Variants in RTTN observed in about 807,000 individuals in gnomAD.
RTTN encodes the protein rotatin.
In RTTN, 182 loss-of-function variants were observed where a neutral mutation model predicts 269.2. That is an observed-to-expected ratio of 0.68 (90% CI 0.60 to 0.76). The LOEUF (loss-of-function observed/expected upper bound fraction) is 0.76. Among genes scored for constraint, RTTN ranks in the 30% least tolerant of loss-of-function variants. The pLI is 0.00. For missense variants in RTTN, 2,545 were observed against 2,608.6 expected (o/e 0.98, Z 0.53); for synonymous variants, 1,006 against 963.5 (o/e 1.04, Z -0.82).
At chr18:70,173,127 T>C (rs1192766858) in intron 11 of RTTN, among the ~76,000 whole-genome samples, 1 of 152,188 alleles carries the variant, frequency 6.6e-6, no homozygotes, top group East Asian at 1.9e-4. Context: ...CAAAATACTA[T>C]ATTTAAAATG....
intron 28 of RTTN, among the ~76,000 whole-genome samples, chr18:70,107,095 A>T (rs1168920693): frequency 1.3e-5 from 2 of 152,228 alleles, no homozygotes; most frequent in African/African-American, 2.4e-5. Context: ...ATTGAAACAA[A>T]GGGGCCAGAT....
At chr18:70,129,483 T>G (rs1599691401) in intron 23 of RTTN, 1 of 149,670 alleles carries the variant, frequency 6.7e-6, no homozygotes, top group Admixed American at 6.6e-5. Flanking sequence ...ATACACACAT[T>G]TGGTCAATTT....
chr18:70,118,234 AAAG>A (rs1210432651), intron 26 of RTTN, among the ~76,000 whole-genome samples: 1 of 152,032 alleles, frequency 6.6e-6, no homozygotes, highest in Non-Finnish European at 1.5e-5. Flanking sequence ...ACTAATAAAA[AAAG>A]AAGACAAAAT....
In RTTN at chr18:70,127,541, A is replaced by C; in HGVS notation, c.3344T>G (p.Val1115Gly). ...GTGCCAAGCCAAGGACTTCAAGGTA[A>C]CCCCACATGGACCAGGGCAACCCTT... ...SLKGCPGPCG[V>G]TLKSLAWHTA... The change falls in exon 25 of 49, where the codon GTT becomes GGT. Residue 1115 changes from valine (V) to glycine (G), a missense_variant. Physicochemically the swap from Val to Gly is moderately radical, Grantham distance 109 (BLOSUM62 -3). Coordinates refer to ENST00000640769, the MANE Select transcript of RTTN (RefSeq NM_173630.4). 2 of 1,613,482 alleles carry C rather than the reference A, an allele frequency of 1.2e-6. No individual in the cohort carries two copies. Among genetic ancestry groups the C allele is most frequent in the South Asian group, 1.1e-5 (1 of 91,060 alleles).
At chr18:70,086,816 A>C in intron 31 of RTTN, 132 bp from the exon 32 acceptor site, 4 of 788,278 alleles carry the variant, frequency 5.1e-6, no homozygotes, top group Non-Finnish European at 2.0e-6. Context: ...GGTCAACTGC[A>C]CATGCTGAGA....
chr18:70,150,826 T>C, intron 14 of RTTN, 93 bp from the exon 15 acceptor site: 1 of 991,612 alleles, frequency 1.0e-6, no homozygotes, highest in African/African-American at 1.7e-5. Context: ...CATTTCTATT[T>C]TAGTTTTTAC....
rs1016169985 is a variant in RTTN, at chr18:70,117,113, C to T, written c.3529-2514G>A. Among the ~76,000 whole-genome samples the T allele has an allele frequency of 2.0e-5, 3 of 152,200 alleles. No homozygotes were observed. The East Asian group carries it at 5.8e-4, about 29-fold the overall frequency. On this transcript the variant is annotated intron_variant, in intron 26 of 48. Transcript: ENST00000640769. ...TCACAAGAGAAAGTTCCTAAATCTT[C>T]CCTCGGGAAGTTAGCTGATTTTTCT...
At chr18:70,054,822 A>G (rs137910950) in intron 37 of RTTN, among the ~76,000 whole-genome samples, 95 of 152,238 alleles carry the variant, frequency 6.2e-4, no homozygotes, top group African/African-American at 2.3e-3. Flanking sequence ...CTGTTTCAAA[A>G]GAAAAAAAAA....
At chr18:70,199,624 A>G in intron 4 of RTTN, 120 bp from the exon 5 acceptor site, 1 of 636,806 alleles carries the variant, frequency 1.6e-6, no homozygotes, top group Non-Finnish European at 2.7e-6. Flanking sequence ...TCTTACAGTA[A>G]CCTAAAATAT....
At chr18:70,191,093 C>T (rs2061660295) in intron 8 of RTTN, among the ~76,000 whole-genome samples, 1 of 151,892 alleles carries the variant, frequency 6.6e-6, no homozygotes, top group Admixed American at 6.6e-5. Context: ...ACTGGGGAGG[C>T]TGAGGCGGGA....
At chr18:70,151,116 C>A (rs2145798593) in intron 14 of RTTN, among the ~76,000 whole-genome samples, 2 of 148,982 alleles carry the variant, frequency 1.3e-5, no homozygotes, top group African/African-American at 4.9e-5. Context: ...TCAAGGACTT[C>A]AAGTTATGGG....
intron 40 of RTTN, among the ~76,000 whole-genome samples, chr18:70,037,311 T>C (rs1420438034): frequency 6.6e-6 from 1 of 152,192 alleles, no homozygotes; most frequent in African/African-American, 2.4e-5. Flanking sequence ...AGGGAGGCCT[T>C]ACACCATTTC....
At chr18:70,195,176 G>C (rs781005238) in intron 7 of RTTN, among the ~76,000 whole-genome samples, 1 of 152,100 alleles carries the variant, frequency 6.6e-6, no homozygotes, top group African/African-American at 2.4e-5. Context: ...CACTCTCATG[G>C]GCTTTATTTC....
At position 70,188,233 on chromosome 18, in the gene RTTN, C is replaced by A. The variant is rs1369090251; in HGVS notation, c.1190-10G>T. The A allele has an allele frequency of 1.4e-6, 2 of 1,461,736 alleles. No homozygotes were observed. Among genetic ancestry groups the A allele is most frequent in the Admixed American group, 1.8e-5 (1 of 57,058 alleles). 90.5% of individuals were successfully genotyped at this position (1,461,736 alleles called of 1,614,324 possible). A position where few individuals can be genotyped will look rare whatever the true frequency, so the allele number is the denominator to read the frequency against. ...ATCACTTGTCTGCTACCTAGGAATA[C>A]AAACAGAAAAAAGTAAAGGAGAAGA... On this transcript the variant is annotated splice_polypyrimidine_tract_variant and intron_variant, in intron 9 of 48. Coordinates refer to ENST00000640769, the MANE Select transcript of RTTN (RefSeq NM_173630.4).
chr18:70,062,775 C>T (rs1196050178), intron 35 of RTTN, among the ~76,000 whole-genome samples: 1 of 152,022 alleles, frequency 6.6e-6, no homozygotes, highest in Non-Finnish European at 1.5e-5. Context: ...CCATGCCTGG[C>T]TAATTTATTT....
At chr18:70,119,194 C>A (rs2059674455) in intron 26 of RTTN, among the ~76,000 whole-genome samples, 1 of 151,864 alleles carries the variant, frequency 6.6e-6, no homozygotes, top group African/African-American at 2.4e-5. Flanking sequence ...CTAGACTCCA[C>A]CAAAAAACTT....
At position 70,017,647 on chromosome 18, in the gene RTTN, G is replaced by A. The variant is rs778672614; in HGVS notation, c.6181C>T (p.Leu2061=). 15 of 1,612,804 alleles carry A rather than the reference G, an allele frequency of 9.3e-6. No homozygotes were observed. The highest frequency in any genetic ancestry group is 1.3e-5 in the Non-Finnish European group (15 of 1,179,244). The change falls in exon 46 of 49, where the codon CTA becomes TTA. Residue 2061 remains leucine (L), a synonymous_variant. Transcript: ENST00000640769. ...KSNFLQNFLS[L]ALPKGGNKHL... ...TTATTTCCTCCTTTTGGCAATGCTAGAGAGAGGAAGTTCTGTAAGAAGTTA... is the reference window on the plus strand; with the variant it reads ...TTATTTCCTCCTTTTGGCAATGCTAAAGAGAGGAAGTTCTGTAAGAAGTTA...
At chr18:70,166,665 A>C (rs1351197028) in intron 13 of RTTN, 12 of 336,914 alleles carry the variant, frequency 3.6e-5, no homozygotes, top group Non-Finnish European at 6.4e-5. Context: ...TACCAAAAAC[A>C]AATGTATAAA....
At chr18:70,025,806 G>A (rs1465675860) in intron 43 of RTTN, among the ~76,000 whole-genome samples, 1 of 152,150 alleles carries the variant, frequency 6.6e-6, no homozygotes, top group Non-Finnish European at 1.5e-5. Context: ...TGTCTGCCCG[G>A]TAGTGACAAA....
Sources: gnomAD v4.1 joint callset for allele counts (sites outside exome capture counted in the v4.1 genomes callset) on GRCh38, gnomAD v4.1.1 for gene constraint, MANE v1.5 for transcripts, NCBI Gene and HGNC (gene_info 2026-07-23, HGNC 2026-07-21) for gene names.